The following HRH1 variants were observed in gnomAD, a reference collection of about 807,000 sequenced individuals.
HRH1 encodes histamine H1 receptor.
Under a neutral mutation model 10.3 loss-of-function variants are expected in HRH1, and 6 were observed. The observed-to-expected ratio is 0.58, with a 90% CI of 0.32 to 1.15. HRH1 has a LOEUF of 1.15. HRH1 is among the 50% of genes most tolerant of loss of function. HRH1 has a pLI of 0.05. For synonymous variants in HRH1, 242 were observed against 236.7 expected, an observed-to-expected ratio of 1.02 and a Z score of -0.21; for missense variants, 514 against 615.3, an observed-to-expected ratio of 0.84 and a Z score of 1.74.
At chr3:11,184,968 A>G (rs1049220742) in intron 1 of HRH1, among the ~76,000 whole-genome samples, 1 of 151,606 alleles carries the variant, frequency 6.6e-6, no homozygotes, top group Non-Finnish European at 1.5e-5. Flanking sequence ...CTCAGTGGAC[A>G]TGGGGTTTAG....
At chr3:11,258,575 G>A (rs1939846786) in intron 1 of HRH1, among the ~76,000 whole-genome samples, 1 of 152,142 alleles carries the variant, frequency 6.6e-6, no homozygotes, top group Admixed American at 6.6e-5. Flanking sequence ...GGCCATGGTG[G>A]TATCTCATGG....
intron 1 of HRH1, among the ~76,000 whole-genome samples, chr3:11,160,519 A>C (rs1354965251): frequency 6.6e-6 from 1 of 151,900 alleles, no homozygotes; most frequent in Non-Finnish European, 1.5e-5. Context: ...GAAAGATAAA[A>C]GTCTAAATTA....
At chr3:11,205,940 G>A (rs1044494114) in intron 1 of HRH1, among the ~76,000 whole-genome samples, 5 of 152,228 alleles carry the variant, frequency 3.3e-5, no homozygotes, top group East Asian at 1.9e-4. Flanking sequence ...GATTACAGGC[G>A]TGAGCCACCG....
upstream of HRH1, among the ~76,000 whole-genome samples, chr3:11,152,412 A>T (rs1031474077): frequency 4.6e-5 from 7 of 152,156 alleles, no homozygotes; most frequent in African/African-American, 1.7e-4. Context: ...AGGGGCTTGA[A>T]ATCATGTCTA....
At chr3:11,207,128 T>C (rs1437305417) in intron 1 of HRH1, among the ~76,000 whole-genome samples, 1 of 151,662 alleles carries the variant, frequency 6.6e-6, no homozygotes, top group African/African-American at 2.4e-5. Flanking sequence ...TATTGAAGTT[T>C]GGGGTCTGAG....
intron 1 of HRH1, among the ~76,000 whole-genome samples, chr3:11,190,387 T>G (rs1030357492): frequency 6.6e-6 from 1 of 151,162 alleles, no homozygotes; most frequent in Non-Finnish European, 1.5e-5. Flanking sequence ...ATTAATTTAT[T>G]TATTTATTTT....
At chr3:11,236,298 A>G (rs1243083788) in intron 1 of HRH1, among the ~76,000 whole-genome samples, 4 of 152,230 alleles carry the variant, frequency 2.6e-5, no homozygotes, top group Non-Finnish European at 5.9e-5. Flanking sequence ...ATGTGGTGGC[A>G]GGTGCCTGTA....
At chr3:11,170,662 TAGTC>T (rs1226956741) in intron 1 of HRH1, among the ~76,000 whole-genome samples, 7 of 152,268 alleles carry the variant, frequency 4.6e-5, no homozygotes, top group Admixed American at 2.0e-4. Context: ...ATCGGTATCA[TAGTC>T]AGATGAACAC....
intron 1 of HRH1, among the ~76,000 whole-genome samples, chr3:11,165,591 A>T (rs947188631): frequency 2.6e-5 from 4 of 152,196 alleles, no homozygotes; most frequent in African/African-American, 7.2e-5. Flanking sequence ...TGAACATTCA[A>T]GGTTTGGAAC....
chr3:11,189,318 C>G (rs1937504234), intron 1 of HRH1, among the ~76,000 whole-genome samples: 2 of 152,116 alleles, frequency 1.3e-5, no homozygotes, highest in African/African-American at 2.4e-5. Context: ...TAGATTGAAT[C>G]CAAGTATTCA....
intron 1 of HRH1, among the ~76,000 whole-genome samples, chr3:11,140,442 C>T (rs1936271017): frequency 1.3e-5 from 2 of 152,142 alleles, no homozygotes; most frequent in Non-Finnish European, 1.5e-5. Flanking sequence ...GGCTCTTCCA[C>T]ACACCCAGGC....
chr3:11,155,503 C>T (rs542727683), intron 1 of HRH1, among the ~76,000 whole-genome samples: 1 of 152,316 alleles, frequency 6.6e-6, no homozygotes, highest in South Asian at 2.1e-4. Flanking sequence ...AAGATCCCAC[C>T]TCTTCCCTCC....
chr3:11,215,132 T>C (rs1051013018), intron 1 of HRH1, among the ~76,000 whole-genome samples: 1 of 152,340 alleles, frequency 6.6e-6, no homozygotes, highest in Admixed American at 6.5e-5. Flanking sequence ...AGAAAGATAG[T>C]TCCCCTCCAA....
intron 1 of HRH1, among the ~76,000 whole-genome samples, chr3:11,212,864 C>G (rs1296284813): frequency 6.6e-6 from 1 of 152,148 alleles, no homozygotes; most frequent in Non-Finnish European, 1.5e-5. Context: ...AGTTTATCTC[C>G]CCTCACTCAC....
intron 1 of HRH1, among the ~76,000 whole-genome samples, chr3:11,214,733 T>A (rs1199241169): frequency 6.6e-6 from 1 of 152,254 alleles, no homozygotes; most frequent in Non-Finnish European, 1.5e-5. Flanking sequence ...CTGATTTTTT[T>A]AAAGCCTTCT....
At chr3:11,248,882 T>A (rs2152584825) in intron 1 of HRH1, among the ~76,000 whole-genome samples, 1 of 152,270 alleles carries the variant, frequency 6.6e-6, no homozygotes, top group Non-Finnish European at 1.5e-5. Context: ...CAGATGACCA[T>A]CCAAGTGGGA....
chr3:11,205,508 T>C (rs1250080907), intron 1 of HRH1, among the ~76,000 whole-genome samples: 1 of 152,094 alleles, frequency 6.6e-6, no homozygotes. Flanking sequence ...CAACATCAAC[T>C]GAGAAAGGCT....
At chr3:11,254,634 C>T (rs372884900) in intron 1 of HRH1, among the ~76,000 whole-genome samples, 2 of 152,188 alleles carry the variant, frequency 1.3e-5, no homozygotes, top group Non-Finnish European at 2.9e-5. Context: ...TTGAGGCCAC[C>T]GCAACAAAGC....
intron 1 of HRH1, among the ~76,000 whole-genome samples, chr3:11,254,856 G>A (rs1270955629): frequency 6.6e-6 from 1 of 152,240 alleles, no homozygotes. Context: ...ACCAAGCAGG[G>A]TAGGGCAGGG....
Sources: allele counts gnomAD v4.1 joint callset (sites outside exome capture counted in the v4.1 genomes callset), GRCh38; gene constraint gnomAD v4.1.1; transcripts MANE v1.5; gene names NCBI Gene and HGNC (gene_info 2026-07-23, HGNC 2026-07-21).